The following DNAH11 variants were observed in gnomAD, a reference collection of about 807,000 sequenced individuals.
The protein encoded by DNAH11 is axonemal beta dynein heavy chain 11.
DNAH11 carries 442 observed loss-of-function variants against 526.0 expected under a neutral mutation model. That is an observed-to-expected ratio of 0.84 (90% CI 0.78 to 0.91). The LOEUF (loss-of-function observed/expected upper bound fraction) is 0.91. DNAH11 is among the 40% of genes least tolerant of loss of function. DNAH11 has a pLI of 0.00. For synonymous variants in DNAH11, 2,461 were observed against 1,935.9 expected, an observed-to-expected ratio of 1.27 and a Z score of -7.12; for missense variants, 6,989 against 5,448.7, an observed-to-expected ratio of 1.28 and a Z score of -8.90.
chr7:21,786,254 C>T (rs1010139404), intron 58 of DNAH11, among the ~76,000 whole-genome samples: 2 of 151,742 alleles, frequency 1.3e-5, no homozygotes, highest in South Asian at 2.1e-4. Flanking sequence ...AGATGCAAAT[C>T]TATTACATAG....
At chr7:21,871,890 A>T (rs1783507751) in intron 73 of DNAH11, among the ~76,000 whole-genome samples, 2 of 151,918 alleles carry the variant, frequency 1.3e-5, no homozygotes, top group South Asian at 4.2e-4. Context: ...TGGGAGGCCG[A>T]GGAGGGCAGA....
chr7:21,626,656 C>T (rs748889788), intron 25 of DNAH11, among the ~76,000 whole-genome samples: 1 of 150,602 alleles, frequency 6.6e-6, no homozygotes, highest in Non-Finnish European at 1.5e-5. Context: ...ACTGGGGTGA[C>T]ATCATATCTC....
chr7:21,815,458 A>C (rs1789737917), intron 63 of DNAH11, among the ~76,000 whole-genome samples: 1 of 152,182 alleles, frequency 6.6e-6, no homozygotes, highest in South Asian at 2.1e-4. Context: ...TATTCGTATC[A>C]AATTGCATCC....
At chr7:21,830,769 C>T (rs1158011507) in intron 65 of DNAH11, among the ~76,000 whole-genome samples, 1 of 152,112 alleles carries the variant, frequency 6.6e-6, no homozygotes, top group African/African-American at 2.4e-5. Flanking sequence ...TTTTTACTCA[C>T]CCCATGTCCT....
At chr7:21,652,035 G>A (rs1781798586) in intron 28 of DNAH11, among the ~76,000 whole-genome samples, 1 of 152,232 alleles carries the variant, frequency 6.6e-6, no homozygotes, top group Non-Finnish European at 1.5e-5. Flanking sequence ...AAAGTTGGAA[G>A]TGTAGCAAAG....
At chr7:21,633,293 G>A (rs1163555874) in intron 25 of DNAH11, among the ~76,000 whole-genome samples, 1 of 152,156 alleles carries the variant, frequency 6.6e-6, no homozygotes, top group Non-Finnish European at 1.5e-5. Flanking sequence ...TTCTGCTATT[G>A]GATGAAATAG....
chr7:21,763,530 T>C (rs1787025237), intron 54 of DNAH11, among the ~76,000 whole-genome samples: 1 of 151,446 alleles, frequency 6.6e-6, no homozygotes, highest in African/African-American at 2.4e-5. Context: ...TGTGGAGAAA[T>C]TGGAACCCTT....
intron 35 of DNAH11, among the ~76,000 whole-genome samples, chr7:21,696,739 C>A (rs73063726): frequency 0.088 from 13,369 of 151,852 alleles, 749 homozygotes; most frequent in East Asian, 0.2. Context: ...AACCATGAGG[C>A]CTACAGCATG....
chr7:21,637,478 T>C, intron 26 of DNAH11, 133 bp from the exon 27 acceptor site: 1 of 667,742 alleles, frequency 1.5e-6, no homozygotes, highest in Non-Finnish European at 2.7e-6. Context: ...AGATGTGGTG[T>C]CAGACATTCT....
Position 21,545,009 on chromosome 7 carries a change from C to G in DNAH11, c.355C>G (p.Pro119Ala), listed in dbSNP as rs747193364. Residue 119 changes from proline to alanine, a missense_variant, in exon 2 of 82, where the codon CCA (proline) becomes GCA (alanine). Physicochemically the swap from Pro to Ala is conservative, Grantham distance 27. Transcript: ENST00000409508. ...SGRLAASQEI[P>A]RDANHKLVFI... ...AATTATCTTGCTCTTGTTTTAGATT[C>G]CAAGAGATGCAAACCATAAACTTGT... 2.3e-5 allele frequency: 37 copies of G among 1,577,926 alleles called. No individual in the cohort carries two copies. Among genetic ancestry groups the G allele is most frequent in the African/African-American group, 4.1e-5 (3 of 73,772 alleles).
In DNAH11 at chr7:21,786,774, G is replaced by C; in HGVS notation, c.9741+7G>C. The C allele has an allele frequency of 1.2e-6, 2 of 1,613,532 alleles. No homozygotes were observed. The highest frequency in any genetic ancestry group is 1.7e-6 in the Non-Finnish European group (2 of 1,179,620). ...TAAAGTCTTCATGGGAAAGGTATCA[G>C]CCCAGCCTGGCAAGATGAAAATCCT... On this transcript the variant is annotated splice_region_variant and intron_variant, in intron 59 of 81. Transcript: ENST00000409508.
intron 6 of DNAH11, among the ~76,000 whole-genome samples, chr7:21,564,832 C>G (rs975759232): frequency 7.2e-5 from 11 of 151,994 alleles, no homozygotes; most frequent in Non-Finnish European, 1.6e-4. Flanking sequence ...AATTCTGATT[C>G]ATTGCTGATC....
chr7:21,878,829 C>T (rs931447406), intron 74 of DNAH11, among the ~76,000 whole-genome samples: 2 of 152,156 alleles, frequency 1.3e-5, no homozygotes, highest in African/African-American at 2.4e-5. Flanking sequence ...GAACTACTCA[C>T]ACTGGTTCTA....
chr7:21,742,827 G>C (rs1033973351), intron 49 of DNAH11, among the ~76,000 whole-genome samples: 1 of 152,070 alleles, frequency 6.6e-6, no homozygotes, highest in Non-Finnish European at 1.5e-5. Context: ...CTGCGCTTCC[G>C]TGACAAAATA....
chr7:21,632,442 G>T (rs1157920292), intron 25 of DNAH11, among the ~76,000 whole-genome samples: 1 of 152,056 alleles, frequency 6.6e-6, no homozygotes, highest in Non-Finnish European at 1.5e-5. Flanking sequence ...GAACTTCTGT[G>T]GTCTGCTTCC....
At chr7:21,631,759 G>T (rs866539525) in intron 25 of DNAH11, among the ~76,000 whole-genome samples, 2 of 152,196 alleles carry the variant, frequency 1.3e-5, no homozygotes, top group African/African-American at 4.8e-5. Flanking sequence ...TGCTTTCACA[G>T]GCTGGTGTTG....
intron 22 of DNAH11, among the ~76,000 whole-genome samples, chr7:21,616,510 A>G: frequency 6.6e-6 from 1 of 152,122 alleles, no homozygotes; most frequent in East Asian, 1.9e-4. Flanking sequence ...GGGTTAATGA[A>G]TTTATGAGAA....
intron 61 of DNAH11, among the ~76,000 whole-genome samples, chr7:21,794,008 A>G (rs929673013): frequency 6.6e-6 from 1 of 152,276 alleles, no homozygotes; most frequent in East Asian, 1.9e-4. Context: ...CTTTGAAATT[A>G]CTGATTCTTT....
Position 21,816,493 on chromosome 7 carries a change from G to A in DNAH11, c.10359G>A (p.Leu3453=). ...TTTCCATTCCACTAACCGAAGGCCT[G>A]GACTTGATATCCATGTTGACGGATG... is the stretch of plus-strand genomic sequence containing the variant. ...QKVSIPLTEG[L]DLISMLTDDA... The change falls in exon 64 of 82, where the codon CTG becomes CTA. Residue 3453 remains leucine (L), a synonymous_variant. Transcript: ENST00000409508. The A allele has an allele frequency of 6.2e-7, 1 of 1,609,980 alleles. No individual in the cohort carries two copies.
Sources: gnomAD v4.1 joint callset for allele counts (sites outside exome capture counted in the v4.1 genomes callset) on GRCh38, gnomAD v4.1.1 for gene constraint, MANE v1.5 for transcripts, NCBI Gene and HGNC (gene_info 2026-07-23, HGNC 2026-07-21) for gene names.